SNTB1: variants seen among roughly 807,000 people sequenced by gnomAD.
The protein encoded by SNTB1 is beta-1-syntrophin.
Under a neutral mutation model 48.9 loss-of-function variants are expected in SNTB1, and 36 were observed. The ratio of observed to expected loss-of-function variants is 0.74; its 90% confidence interval spans 0.56 to 0.97. SNTB1 has a LOEUF of 0.97. Ranked by LOEUF, SNTB1 falls within the 50% of genes least tolerant of loss-of-function variation. The pLI, the probability that SNTB1 is intolerant of heterozygous loss-of-function variation, is 0.00. For missense variants in SNTB1, 786 were observed against 703.4 expected, an observed-to-expected ratio of 1.12 and a Z score of -1.33; for synonymous variants, 299 against 294.6, an observed-to-expected ratio of 1.01 and a Z score of -0.15.
At chr8:120,652,197 G>T (rs1355999952) in intron 2 of SNTB1, among the ~76,000 whole-genome samples, 1 of 152,172 alleles carries the variant, frequency 6.6e-6, no homozygotes, top group Non-Finnish European at 1.5e-5. Context: ...GATATCTGTT[G>T]TTTGTCTGCC....
At chr8:120,578,096 G>C (rs1259384406) in intron 3 of SNTB1, among the ~76,000 whole-genome samples, 1 of 152,086 alleles carries the variant, frequency 6.6e-6, no homozygotes, top group African/African-American at 2.4e-5. Context: ...GCAGTGGTGC[G>C]ATCTCGGTTC....
chr8:120,587,098 G>C (rs1816156311), intron 3 of SNTB1, among the ~76,000 whole-genome samples: 1 of 152,172 alleles, frequency 6.6e-6, no homozygotes, highest in Admixed American at 6.5e-5. Flanking sequence ...GCGCGTGCCT[G>C]TAATTTCAGC....
At chr8:120,658,459 G>T (rs1473462178) in intron 2 of SNTB1, among the ~76,000 whole-genome samples, 1 of 152,204 alleles carries the variant, frequency 6.6e-6, no homozygotes, top group Non-Finnish European at 1.5e-5. Flanking sequence ...CATGGGTTCA[G>T]TTCCAGACCA....
intron 3 of SNTB1, among the ~76,000 whole-genome samples, chr8:120,623,575 G>A (rs780213172): frequency 6.6e-6 from 1 of 152,162 alleles, no homozygotes; most frequent in Non-Finnish European, 1.5e-5. Context: ...GTCCTGCACG[G>A]CGTGCAGTGT....
At chr8:120,775,746 G>GGAAA (rs1491468776) in intron 1 of SNTB1, among the ~76,000 whole-genome samples, 4 of 140,300 alleles carry the variant, frequency 2.9e-5, no homozygotes, top group African/African-American at 8.7e-5. Context: ...AAGGAAGGAA[G>GGAAA]GAAGGAAGGA....
intron 4 of SNTB1, among the ~76,000 whole-genome samples, chr8:120,553,223 A>C (rs369029234): frequency 6.6e-6 from 1 of 152,212 alleles, no homozygotes; most frequent in African/African-American, 2.4e-5. Flanking sequence ...ATTAATAAAA[A>C]CAGAGAAGAG....
chr8:120,628,083 T>C (rs1280268231), intron 3 of SNTB1, among the ~76,000 whole-genome samples: 1 of 152,240 alleles, frequency 6.6e-6, no homozygotes, highest in East Asian at 1.9e-4. Context: ...ATAAAGCTGA[T>C]ACCTGAACTT....
intron 3 of SNTB1, among the ~76,000 whole-genome samples, chr8:120,583,527 ACACACACAC>A (rs1209202411): frequency 1.1e-4 from 12 of 104,952 alleles, no homozygotes; most frequent in Non-Finnish European, 2.4e-4. Flanking sequence ...ACACACACAC[ACACACACAC>A]ACACACACAC....
rs1815927445 is a variant in SNTB1, at chr8:120,574,961, A to G, written c.1136+125T>C. On this transcript the variant is annotated intron_variant, in intron 4 of 6. Coordinates refer to ENST00000517992, the MANE Select transcript of SNTB1 (RefSeq NM_021021.4). ...TATGTGGCTAAAAATGTGTGGCTAT[A>G]TTCTTAAGGAGCTCTCAGCCCCTGC... The G allele has an allele frequency of 9.4e-6, 11 of 1,165,724 alleles. 1 individual carries two copies. The South Asian group carries it at 1.2e-4, about 13-fold the overall frequency. The allele number at this position is 1,165,724 out of a possible 1,614,324, so 72.2% of individuals were successfully genotyped here.
intron 1 of SNTB1, among the ~76,000 whole-genome samples, chr8:120,704,651 A>T (rs562532117): frequency 9.9e-5 from 15 of 152,106 alleles, no homozygotes; most frequent in Admixed American, 2.0e-4. Context: ...CACTCCTTCA[A>T]AGCCTGAAGG....
At chr8:120,599,305 A>C (rs1247636139) in intron 3 of SNTB1, among the ~76,000 whole-genome samples, 1 of 152,276 alleles carries the variant, frequency 6.6e-6, no homozygotes, top group Non-Finnish European at 1.5e-5. Context: ...TTGTATTAAC[A>C]GTGAGCTGTA....
At chr8:120,711,875 TTTC>T (rs1274899378) in intron 1 of SNTB1, among the ~76,000 whole-genome samples, 1 of 152,186 alleles carries the variant, frequency 6.6e-6, no homozygotes, top group Non-Finnish European at 1.5e-5. Flanking sequence ...AAACATTCAT[TTTC>T]TTTTCTTTTT....
At chr8:120,799,849 T>C (rs1393342199) in intron 1 of SNTB1, among the ~76,000 whole-genome samples, 1 of 151,986 alleles carries the variant, frequency 6.6e-6, no homozygotes, top group Non-Finnish European at 1.5e-5. Flanking sequence ...CAGTAAGTAT[T>C]TATGTCCTAA....
intron 1 of SNTB1, among the ~76,000 whole-genome samples, chr8:120,801,848 G>C (rs1054616956): frequency 3.3e-5 from 5 of 152,044 alleles, no homozygotes; most frequent in East Asian, 3.9e-4. Flanking sequence ...AATTCACAAT[G>C]ACATTGTAAA....
At position 120,811,718 on chromosome 8, in the gene SNTB1, G is replaced by A. The variant is rs1214038519; in HGVS notation, c.126C>T (p.Ser42=). The part of the protein sequence containing the change: ...DRWHKVLVNL[S]EDALVLSSEE... Reference sequence around the variant, plus strand: ...CGCTGCTCAGAACCAGGGCGTCCTCGCTCAAGTTCACCAGAACTTTGTGCC... The same window carrying A: ...CGCTGCTCAGAACCAGGGCGTCCTCACTCAAGTTCACCAGAACTTTGTGCC... Residue 42 remains serine (S), a synonymous_variant, in exon 1 of 7, where the codon AGC becomes AGT. Coordinates refer to ENST00000517992, the MANE Select transcript of SNTB1 (RefSeq NM_021021.4). 1.9e-6 allele frequency: 3 copies of A among 1,574,448 alleles called. No homozygotes were observed. The Admixed American group carries it at 5.6e-5, about 29-fold the overall frequency.
intron 2 of SNTB1, among the ~76,000 whole-genome samples, chr8:120,661,195 T>TAAA (rs34319576): frequency 9.0e-5 from 13 of 143,978 alleles, no homozygotes; most frequent in African/African-American, 3.1e-4. Flanking sequence ...TTCAATTTGT[T>TAAA]AAAAAAAAAA....
At chr8:120,782,144 C>T (rs1051001810) in intron 1 of SNTB1, among the ~76,000 whole-genome samples, 2 of 152,108 alleles carry the variant, frequency 1.3e-5, no homozygotes, top group African/African-American at 4.8e-5. Context: ...ACATGGTCTT[C>T]CCTCCATGCA....
intron 3 of SNTB1, among the ~76,000 whole-genome samples, chr8:120,613,871 A>C (rs1291590889): frequency 6.6e-6 from 1 of 152,132 alleles, no homozygotes; most frequent in East Asian, 1.9e-4. Context: ...TCTTTTTCTC[A>C]TATAAACTGT....
chr8:120,688,548 T>C (rs1587090306), intron 2 of SNTB1, among the ~76,000 whole-genome samples: 1 of 152,228 alleles, frequency 6.6e-6, no homozygotes, highest in East Asian at 1.9e-4. Context: ...TGAGTAGGCA[T>C]GTAAGAAAAA....
Sources: gnomAD v4.1 joint callset for allele counts (sites outside exome capture counted in the v4.1 genomes callset) on GRCh38, gnomAD v4.1.1 for gene constraint, MANE v1.5 for transcripts, NCBI Gene and HGNC (gene_info 2026-07-23, HGNC 2026-07-21) for gene names.